TAS2R1: variants seen among roughly 807,000 people sequenced by gnomAD.
The protein encoded by TAS2R1 is taste receptor type 2 member 1.
For missense variants in TAS2R1, 370 were observed against 353.4 expected, an observed-to-expected ratio of 1.05 and a Z score of -0.38; for synonymous variants, 141 against 134.2, an observed-to-expected ratio of 1.05 and a Z score of -0.35.
the TAS2R1 span, among the ~76,000 whole-genome samples, chr5:9,777,033 A>C: frequency 6.6e-6 from 1 of 152,234 alleles, no homozygotes; most frequent in Non-Finnish European, 1.5e-5. Flanking sequence ...AGCCTTCAGC[A>C]AGTTGTAATC....
At chr5:9,900,051 G>A in the TAS2R1 span, among the ~76,000 whole-genome samples, 1 of 152,204 alleles carries the variant, frequency 6.6e-6, no homozygotes, top group Non-Finnish European at 1.5e-5. Flanking sequence ...GTAAGGAAAT[G>A]TTTAGTTTCA....
At chr5:9,710,775 G>A (rs945516050) in intron 1 of TAS2R1, among the ~76,000 whole-genome samples, 1 of 151,068 alleles carries the variant, frequency 6.6e-6, no homozygotes, top group East Asian at 1.9e-4. Flanking sequence ...TGGCCAATAA[G>A]TATATGAAAA....
the TAS2R1 span, among the ~76,000 whole-genome samples, chr5:9,762,380 T>C: frequency 6.6e-6 from 1 of 152,196 alleles, no homozygotes; most frequent in South Asian, 2.1e-4. Context: ...TCTCGGATTA[T>C]TAAAATTACT....
intron 1 of TAS2R1, among the ~76,000 whole-genome samples, chr5:9,671,708 T>C (rs1187155470): frequency 6.6e-6 from 1 of 152,084 alleles, no homozygotes; most frequent in Admixed American, 6.6e-5. Flanking sequence ...AAAATGGCCA[T>C]ATTGCCCGAA....
At chr5:9,706,600 C>G (rs991715281) in intron 1 of TAS2R1, among the ~76,000 whole-genome samples, 1 of 152,142 alleles carries the variant, frequency 6.6e-6, no homozygotes, top group Non-Finnish European at 1.5e-5. Flanking sequence ...TTAAGGGAGA[C>G]AAAACATCAG....
chr5:9,767,836 A>G, the TAS2R1 span, among the ~76,000 whole-genome samples: 1 of 144,158 alleles, frequency 6.9e-6, no homozygotes, highest in Admixed American at 7.3e-5. Context: ...AGACAGGAGA[A>G]TTGCTTGAAT....
the TAS2R1 span, among the ~76,000 whole-genome samples, chr5:9,743,187 T>C: frequency 6.6e-6 from 1 of 152,212 alleles, no homozygotes; most frequent in East Asian, 1.9e-4. Flanking sequence ...TCTTGGACTT[T>C]ACTGTTAATT....
At chr5:9,773,365 T>C in the TAS2R1 span, among the ~76,000 whole-genome samples, 2 of 152,194 alleles carry the variant, frequency 1.3e-5, no homozygotes, top group Non-Finnish European at 2.9e-5. Flanking sequence ...TTACTGTATG[T>C]AACGTCTATT....
chr5:9,789,262 G>A, the TAS2R1 span, among the ~76,000 whole-genome samples: 2 of 152,172 alleles, frequency 1.3e-5, no homozygotes, highest in Non-Finnish European at 2.9e-5. Flanking sequence ...ACCAGAGGAA[G>A]CTTTAGATCT....
the TAS2R1 span, among the ~76,000 whole-genome samples, chr5:9,806,319 C>G: frequency 6.6e-6 from 1 of 152,094 alleles, no homozygotes; most frequent in Non-Finnish European, 1.5e-5. Flanking sequence ...AATGACCATA[C>G]AGCCAAAAGC....
the TAS2R1 span, among the ~76,000 whole-genome samples, chr5:9,895,571 T>C: frequency 6.6e-6 from 1 of 151,414 alleles, no homozygotes. Flanking sequence ...CAGAGAGGTC[T>C]TTCTTTTTTC....
rs113739275 is a variant in TAS2R1, at chr5:9,635,427, C to T, written c.-80-5435G>A. On this transcript the variant is annotated intron_variant, in intron 2 of 2. Coordinates refer to the TAS2R1 transcript ENST00000506620. ...GTTTGCTTTTTTTGTTATGTCCTTTCCTGGTTTTGACATTAGGGTGATACT... is the reference window on the plus strand; with the variant it reads ...GTTTGCTTTTTTTGTTATGTCCTTTTCTGGTTTTGACATTAGGGTGATACT... Among the ~76,000 whole-genome samples, 337 of 151,988 alleles carry T rather than the reference C, an allele frequency of 2.2e-3. 1 individual carries two copies. Among genetic ancestry groups the T allele is most frequent in the Non-Finnish European group, 3.8e-3 (259 of 67,858 alleles).
the TAS2R1 span, among the ~76,000 whole-genome samples, chr5:9,772,853 T>G: frequency 4.5e-4 from 69 of 152,264 alleles, 1 homozygote; most frequent in African/African-American, 1.6e-3. Context: ...GGAATATCTT[T>G]TTCCATCCCT....
the TAS2R1 span, among the ~76,000 whole-genome samples, chr5:9,774,940 A>T: frequency 2.3e-3 from 352 of 152,364 alleles, 1 homozygote; most frequent in African/African-American, 8.1e-3. Flanking sequence ...AGCTACCACC[A>T]ATATTCACTC....
intron 1 of TAS2R1, among the ~76,000 whole-genome samples, chr5:9,660,219 CG>C (rs1561371787): frequency 7.6e-6 from 1 of 131,132 alleles, no homozygotes; most frequent in Non-Finnish European, 1.6e-5. Context: ...CCACCGCTCC[CG>C]GCTAATTTTT....
upstream of TAS2R1, among the ~76,000 whole-genome samples, chr5:9,631,242 C>A (rs1309118360): frequency 6.6e-6 from 1 of 151,958 alleles, no homozygotes; most frequent in Non-Finnish European, 1.5e-5. Context: ...AAAACTAAGT[C>A]CTCTCTCTCT....
the TAS2R1 span, among the ~76,000 whole-genome samples, chr5:9,733,732 C>A: frequency 6.6e-6 from 1 of 152,048 alleles, no homozygotes; most frequent in Non-Finnish European, 1.5e-5. Context: ...GAAAATGGCA[C>A]TGGGAAAGCA....
chr5:9,695,723 C>A (rs959307239), intron 1 of TAS2R1, among the ~76,000 whole-genome samples: 2 of 152,008 alleles, frequency 1.3e-5, no homozygotes, highest in Non-Finnish European at 2.9e-5. Flanking sequence ...TACTAGGGGA[C>A]GTCATCTTGA....
the TAS2R1 span, among the ~76,000 whole-genome samples, chr5:9,827,255 AC>A: frequency 6.6e-6 from 1 of 151,148 alleles, no homozygotes; most frequent in African/African-American, 2.4e-5. Context: ...TTTCTTACCC[AC>A]CTCCAGGGCA....
Sources: allele counts gnomAD v4.1 joint callset (sites outside exome capture counted in the v4.1 genomes callset), GRCh38; gene constraint gnomAD v4.1.1; transcripts MANE v1.5; gene names NCBI Gene and HGNC (gene_info 2026-07-23, HGNC 2026-07-21).